UNC5D: variants seen among roughly 807,000 people sequenced by gnomAD.
UNC5D encodes unc-5 netrin receptor D.
UNC5D carries 39 observed loss-of-function variants against 105.4 expected under a neutral mutation model. The ratio of observed to expected loss-of-function variants is 0.37; its 90% CI spans 0.29 to 0.48. The LOEUF is 0.48. UNC5D is among the 20% of genes least tolerant of loss of function. The pLI is 0.98. For synonymous variants in UNC5D, 452 were observed against 450.4 expected (o/e 1.00, Z -0.04); for missense variants, 991 against 1,202.4 (o/e 0.82, Z 2.60).
At chr8:35,641,687 A>G (rs570750706) in intron 4 of UNC5D, among the ~76,000 whole-genome samples, 25 of 152,284 alleles carry the variant, frequency 1.6e-4, no homozygotes, top group African/African-American at 5.8e-4. Context: ...CTGAGCCTCA[A>G]ATTCTTGGGC....
intron 1 of UNC5D, among the ~76,000 whole-genome samples, chr8:35,320,326 A>C (rs2128884985): frequency 6.6e-6 from 1 of 152,206 alleles, no homozygotes; most frequent in Admixed American, 6.6e-5. Flanking sequence ...TGTCTGGGTT[A>C]AGATATGGAG....
intron 1 of UNC5D, among the ~76,000 whole-genome samples, chr8:35,265,199 G>A (rs1240213164): frequency 7.7e-6 from 1 of 130,578 alleles, no homozygotes; most frequent in African/African-American, 2.4e-5. Flanking sequence ...TATTAAGACT[G>A]TGACCTTATC....
intron 2 of UNC5D, among the ~76,000 whole-genome samples, chr8:35,556,618 G>A (rs570403417): frequency 6.6e-6 from 1 of 152,210 alleles, no homozygotes; most frequent in African/African-American, 2.4e-5. Context: ...TACAATGCTT[G>A]TATATGTGGG....
chr8:35,331,173 A>T lies in UNC5D; in HGVS notation c.103+95286A>T, dbSNP rs531989870. Among the ~76,000 whole-genome samples, 4 of 152,120 alleles carry T rather than the reference A, an allele frequency of 2.6e-5. No homozygotes were observed. The East Asian group carries it at 7.8e-4, about 30-fold the overall frequency. ...GTGAGAGATGAGAGATTAATTCACG[A>T]CCCTGTATAGATTATTCGAAACAGT... On this transcript the variant is annotated intron_variant, in intron 1 of 16. Coordinates refer to ENST00000404895, the MANE Select transcript of UNC5D (RefSeq NM_080872.4).
chr8:35,302,348 G>A (rs1330748233), intron 1 of UNC5D, among the ~76,000 whole-genome samples: 1 of 152,166 alleles, frequency 6.6e-6, no homozygotes, highest in East Asian at 1.9e-4. Flanking sequence ...GTTATAAAAG[G>A]AGAGGGCTAA....
chr8:35,320,431 A>C (rs1430153201), intron 1 of UNC5D, among the ~76,000 whole-genome samples: 2 of 152,120 alleles, frequency 1.3e-5, no homozygotes, highest in Non-Finnish European at 1.5e-5. Flanking sequence ...ACATAAAAAG[A>C]TGCCACACTC....
chr8:35,388,945 T>A (rs1803603257), intron 1 of UNC5D, among the ~76,000 whole-genome samples: 1 of 152,334 alleles, frequency 6.6e-6, no homozygotes, highest in Admixed American at 6.5e-5. Flanking sequence ...GGTTTCCTAG[T>A]GAAAATAAGT....
At chr8:35,685,489 G>A (rs1032471589) in intron 6 of UNC5D, among the ~76,000 whole-genome samples, 3 of 152,050 alleles carry the variant, frequency 2.0e-5, no homozygotes, top group Non-Finnish European at 2.9e-5. Context: ...AAGGACACTG[G>A]ACTAGAGTCT....
intron 1 of UNC5D, among the ~76,000 whole-genome samples, chr8:35,260,795 T>A (rs975319282): frequency 6.6e-6 from 1 of 152,276 alleles, no homozygotes; most frequent in Non-Finnish European, 1.5e-5. Context: ...CAGCTGTGAC[T>A]CTTAAATGCC....
chr8:35,372,601 A>T (rs1802487453), intron 1 of UNC5D, among the ~76,000 whole-genome samples: 1 of 151,950 alleles, frequency 6.6e-6, no homozygotes, highest in African/African-American at 2.4e-5. Flanking sequence ...CTAATATTTT[A>T]TTATTTTTTT....
Position 35,350,607 on chromosome 8 carries a change from G to A in UNC5D, c.103+114720G>A, listed in dbSNP as rs573889800. 6.6e-5 allele frequency among the ~76,000 whole-genome samples: 10 copies of A among 152,036 alleles called. No homozygotes were observed. The South Asian group carries it at 1.9e-3, about 28-fold the overall frequency. On this transcript the variant is annotated intron_variant, in intron 1 of 16. Coordinates refer to ENST00000404895, the MANE Select transcript of UNC5D (RefSeq NM_080872.4). Reference sequence around the variant, plus strand: ...TTTCAAAACCTCTAGCTTTAAAGTGGACTCCAAAAGTGATTTCATACTGGT... The same window carrying A: ...TTTCAAAACCTCTAGCTTTAAAGTGAACTCCAAAAGTGATTTCATACTGGT...
intron 1 of UNC5D, among the ~76,000 whole-genome samples, chr8:35,281,702 A>G (rs578260295): frequency 3.3e-5 from 5 of 152,294 alleles, no homozygotes; most frequent in Admixed American, 6.5e-5. Flanking sequence ...TCCTGTGAGC[A>G]TGCCTTATAG....
rs1284406479 is a variant in UNC5D, at chr8:35,235,805, C to T, written c.21C>T (p.Thr7=). 2.4e-6 allele frequency: 3 copies of T among 1,229,942 alleles called. No individual in the cohort carries two copies. Among genetic ancestry groups the T allele is most frequent in the East Asian group, 3.2e-5 (1 of 31,482 alleles). 76.2% of individuals were successfully genotyped at this position (1,229,942 alleles called of 1,614,324 possible). Reference sequence around the variant, plus strand: ...GGAGCATGGGGAGAGCGGCGGCCACCGCAGGCGGCGGCGGAGGGGCGCGCC... The same window carrying T: ...GGAGCATGGGGAGAGCGGCGGCCACTGCAGGCGGCGGCGGAGGGGCGCGCC... MGRAAA[T]AGGGGGARRW... is the part of the protein sequence containing the mutation. Residue 7 remains threonine (T), a synonymous_variant, in exon 1 of 17, where the codon ACC becomes ACT. Coordinates refer to ENST00000404895, the MANE Select transcript of UNC5D (RefSeq NM_080872.4).
intron 7 of UNC5D, among the ~76,000 whole-genome samples, chr8:35,687,793 A>T (rs1271295627): frequency 6.6e-6 from 1 of 152,182 alleles, no homozygotes; most frequent in Admixed American, 6.5e-5. Flanking sequence ...AAATGATAAA[A>T]TAACATATTT....
intron 1 of UNC5D, among the ~76,000 whole-genome samples, chr8:35,416,735 T>C (rs908331261): frequency 3.3e-5 from 5 of 152,222 alleles, no homozygotes; most frequent in Non-Finnish European, 7.4e-5. Flanking sequence ...GGCCTTGGTT[T>C]ACTTATGATC....
chr8:35,734,144 G>A (rs1455893473), intron 11 of UNC5D, among the ~76,000 whole-genome samples: 1 of 151,888 alleles, frequency 6.6e-6, no homozygotes, highest in African/African-American at 2.4e-5. Flanking sequence ...GTAAGAACAG[G>A]TACTGGAGTG....
Position 35,784,289 on chromosome 8 carries a change from A to G in UNC5D, c.2658-6070A>G, listed in dbSNP as rs62504080. On this transcript the variant is annotated intron_variant, in intron 16 of 16. Transcript: ENST00000404895. ...TCAATGAACTTACATAGATGAATGTATTCGGCTGTCTTCTCCTAAGCTTTA... is the reference window on the plus strand; with the variant it reads ...TCAATGAACTTACATAGATGAATGTGTTCGGCTGTCTTCTCCTAAGCTTTA... Among the ~76,000 whole-genome samples, 546 of 152,304 alleles carry G rather than the reference A, an allele frequency of 3.6e-3. 3 individuals are homozygous for G. The highest frequency in any genetic ancestry group is 6.0e-3 in the Non-Finnish European group (407 of 68,030).
intron 1 of UNC5D, chr8:35,525,762 A>G: frequency 6.4e-7 from 1 of 1,553,414 alleles, no homozygotes; most frequent in Non-Finnish European, 8.7e-7. Context: ...AGGAGCCGCC[A>G]TCTTGGGAGT....
chr8:35,550,082 T>C (rs774974112), intron 2 of UNC5D, among the ~76,000 whole-genome samples: 61 of 152,184 alleles, frequency 4.0e-4, no homozygotes, highest in Middle Eastern at 3.4e-3. Flanking sequence ...TTGGCAAATT[T>C]GGCTGATAAG....
Sources: allele counts gnomAD v4.1 joint callset (sites outside exome capture counted in the v4.1 genomes callset), GRCh38; gene constraint gnomAD v4.1.1; transcripts MANE v1.5; gene names NCBI Gene and HGNC (gene_info 2026-07-23, HGNC 2026-07-21).